The following DGKG variants were observed in gnomAD, a reference collection of about 807,000 sequenced individuals.
DGKG encodes the protein diacylglycerol kinase gamma.
DGKG carries 78 observed loss-of-function variants against 105.3 expected under a neutral mutation model. That is an observed-to-expected ratio of 0.74 (90% CI 0.62 to 0.89). The LOEUF is 0.89. DGKG is among the 40% of genes least tolerant of loss of function. The probability of loss-of-function intolerance (pLI) is 0.00; values close to 1 mark genes in which losing one functional copy is unlikely to be tolerated. For missense variants in DGKG, 958 were observed against 1,020.1 expected (o/e 0.94, Z 0.83); for synonymous variants, 346 against 367.1 (o/e 0.94, Z 0.66).
In DGKG at chr3:186,244,527, C is replaced by A. The variant is rs181222783; in HGVS notation, c.1762-1959G>T. Among the ~76,000 whole-genome samples the A allele has an allele frequency of 4.0e-3, 611 of 151,966 alleles. 1 individual carries two copies. Among genetic ancestry groups the A allele is most frequent in the African/African-American group, 0.014 (575 of 41,442 alleles). ...TCCAGAGATTCTTCCGCTTCAGCCT[C>A]ATGAGTAGCTGGGATTACAGGCATC... On this transcript the variant is annotated intron_variant, in intron 19 of 24. Coordinates refer to ENST00000265022, the MANE Select transcript of DGKG (RefSeq NM_001346.3).
Position 186,300,028 on chromosome 3 carries a change from G to C in DGKG, c.145-1799C>G, listed in dbSNP as rs147928720. ...ATTTTTGTATTTTTAGCAGAGATGG[G>C]GTTTCACCTTGTTGGCCAGGCTGGT... On this transcript the variant is annotated intron_variant, in intron 3 of 24. Coordinates refer to ENST00000265022, the MANE Select transcript of DGKG (RefSeq NM_001346.3). Among the ~76,000 whole-genome samples the C allele has an allele frequency of 4.8e-3, 735 of 151,752 alleles. 8 individuals carry two copies. The highest frequency in any genetic ancestry group is 0.017 in the African/African-American group (708 of 41,376).
At chr3:186,358,470 C>A (rs1727080427) in intron 1 of DGKG, among the ~76,000 whole-genome samples, 1 of 141,798 alleles carries the variant, frequency 7.1e-6, no homozygotes, top group African/African-American at 2.6e-5. Context: ...CTAGGAACAA[C>A]TCATAGCTAG....
chr3:186,186,095 T>TCA (rs1185283391), intron 22 of DGKG, among the ~76,000 whole-genome samples: 2 of 17,416 alleles, frequency 1.1e-4, no homozygotes, highest in East Asian at 6.5e-3. Flanking sequence ...AGACTCTGCC[T>TCA]CAAAAAAAAA....
chr3:186,284,660 C>T lies in DGKG; in HGVS notation c.594G>A (p.Ala198=), dbSNP rs189860653. ...DSDENGLLDQ[A]EMDCIVNQML... is the part of the protein sequence containing the mutation. The stretch of plus-strand genomic sequence containing the variant: ...AGGGATATTTAGAGTGAGAACTTAC[C>T]GCTTGGTCCAGGAGACCGTTCTCAT... The change falls in exon 7 of 25, where the codon GCG becomes GCA. Residue 198 remains alanine, a splice_region_variant and synonymous_variant. Coordinates refer to ENST00000265022, the MANE Select transcript of DGKG (RefSeq NM_001346.3). The surrounding 1 kb of genome is among the most constrained non-coding windows in gnomAD (Gnocchi z 4.0). 437 of 1,613,296 alleles carry T rather than the reference C, an allele frequency of 2.7e-4. No homozygotes were observed. The highest frequency in any genetic ancestry group is 7.2e-5 in the Non-Finnish European group (85 of 1,179,320).
chr3:186,222,948 A>G (rs1719661090), intron 20 of DGKG, among the ~76,000 whole-genome samples: 1 of 148,158 alleles, frequency 6.7e-6, no homozygotes, highest in East Asian at 2.1e-4. Context: ...CGACAGAGTG[A>G]GACTCTGTCT....
intron 6 of DGKG, among the ~76,000 whole-genome samples, chr3:186,287,446 CA>C (rs1320291250): frequency 1.3e-5 from 2 of 152,198 alleles, no homozygotes; most frequent in Non-Finnish European, 2.9e-5. Flanking sequence ...GATGGGGCCA[CA>C]GATGTTCACT....
In DGKG at chr3:186,164,977, C is replaced by A; in HGVS notation, c.2137G>T (p.Ala713Ser). Residue 713 changes from alanine to serine, a missense_variant, in exon 23 of 25, where the codon GCC (alanine) becomes TCC (serine). Around this residue, in one of 2 missense-constraint regions of DGKG, gnomAD observed 315 missense variants for 400.6 expected, o/e 0.79. Coordinates refer to ENST00000265022, the MANE Select transcript of DGKG (RefSeq NM_001346.3). ...GTGTAGATCTGCCCCATCTCCATGG[C>A]TCCTTCTAGCCCCACCACTTCAAGG... ...QLLEVVGLEG[A>S]MEMGQIYTGL... The A allele has an allele frequency of 6.2e-7, 1 of 1,608,948 alleles. No individual in the cohort carries two copies. The highest frequency in any genetic ancestry group is 8.5e-7 in the Non-Finnish European group (1 of 1,177,550).
chr3:186,185,950 T>TAGAAAAA (rs1717608206), intron 22 of DGKG, among the ~76,000 whole-genome samples: 2 of 151,254 alleles, frequency 1.3e-5, no homozygotes, highest in African/African-American at 4.9e-5. Flanking sequence ...TAGAAAAAAG[T>TAGAAAAA]AGCCGGGCGT....
chr3:186,355,485 C>G (rs1318950087), intron 1 of DGKG, among the ~76,000 whole-genome samples: 2 of 149,512 alleles, frequency 1.3e-5, no homozygotes, highest in African/African-American at 2.5e-5. Flanking sequence ...CAACCACTAC[C>G]ATCACCACTA....
chr3:186,355,334 TCACCAC>T (rs200914072), intron 1 of DGKG, among the ~76,000 whole-genome samples: 1 of 49,716 alleles, frequency 2.0e-5, no homozygotes, highest in African/African-American at 8.2e-5. Context: ...ATCACCACTA[TCACCAC>T]CACCAACAAC....
At position 186,150,141 on chromosome 3, in the gene DGKG, G is replaced by C; in HGVS notation, c.2325C>G (p.Pro775=). ...KNQAPMMMGP[P]QKSSFFSLRR... The stretch of plus-strand genomic sequence containing the variant: ...TCAACGAGAAGAAGCTGCTCTTCTG[G>C]GGAGGCCCCATCATCATGGGCGCTT... Residue 775 remains proline (P), a synonymous_variant, in exon 25 of 25, where the codon CCC becomes CCG. Coordinates refer to ENST00000265022, the MANE Select transcript of DGKG (RefSeq NM_001346.3). 6.2e-7 allele frequency: 1 copy of C among 1,613,692 alleles called. No individual in the cohort carries two copies. The highest frequency in any genetic ancestry group is 8.5e-7 in the Non-Finnish European group (1 of 1,179,846).
At chr3:186,300,262 A>T (rs1241166645) in intron 3 of DGKG, among the ~76,000 whole-genome samples, 1 of 152,182 alleles carries the variant, frequency 6.6e-6, no homozygotes, top group African/African-American at 2.4e-5. Flanking sequence ...TTCCAAAGAA[A>T]TTGCTGTCTA....
intron 20 of DGKG, among the ~76,000 whole-genome samples, chr3:186,227,928 T>C (rs1719932712): frequency 6.6e-6 from 1 of 152,220 alleles, no homozygotes; most frequent in East Asian, 1.9e-4. Flanking sequence ...AAAATACTCT[T>C]ATGCAAAAGG....
chr3:186,148,556 G>T lies in DGKG; in HGVS notation c.*1534C>A. The stretch of plus-strand genomic sequence containing the variant: ...GATCCAAGTGGACTCACTTTTCAGT[G>T]ACCAGAAATGACCCTACTCTGAGAT... On this transcript the variant is annotated 3_prime_UTR_variant, in exon 25 of 25. Transcript: ENST00000265022. 1 of 985,394 alleles carries T rather than the reference G, an allele frequency of 1.0e-6. No homozygotes were observed. The highest frequency in any genetic ancestry group is 4.7e-5 in the South Asian group (1 of 21,290). The allele number at this position is 985,394 out of a possible 1,614,324, so 61.0% of individuals were successfully genotyped here.
intron 10 of DGKG, among the ~76,000 whole-genome samples, chr3:186,273,763 GCTGC>G (rs1240359836): frequency 6.6e-6 from 1 of 152,192 alleles, no homozygotes. Context: ...GAGGTCACTT[GCTGC>G]CTAATTCACA....
chr3:186,165,059 G>A, intron 22 of DGKG, 41 bp from the exon 23 acceptor site: 1 of 1,587,170 alleles, frequency 6.3e-7, no homozygotes, highest in South Asian at 1.1e-5. Flanking sequence ...ACACATCTCT[G>A]TGTTCCTCAG....
chr3:186,311,683 C>T (rs1724550560), intron 2 of DGKG, among the ~76,000 whole-genome samples: 1 of 152,168 alleles, frequency 6.6e-6, no homozygotes, highest in African/African-American at 2.4e-5. Flanking sequence ...ACACAGACAC[C>T]TTTGTTGCCT....
rs553715446 is a variant in DGKG, at chr3:186,148,039, C to T, written c.*2051G>A. 143 of 985,472 alleles carry T rather than the reference C, an allele frequency of 1.5e-4. 1 individual carries two copies. The South Asian group carries it at 5.8e-3, about 40-fold the overall frequency. The allele number at this position is 985,472 out of a possible 1,614,324, so 61.0% of individuals were successfully genotyped here. On this transcript the variant is annotated 3_prime_UTR_variant, in exon 25 of 25. Coordinates refer to ENST00000265022, the MANE Select transcript of DGKG (RefSeq NM_001346.3). ...TTTGTACACACAATCTTAATATTCC[C>T]TTCTTTGTCCAAAGCTCCTGTCCAA... is the stretch of plus-strand genomic sequence containing the variant.
At position 186,284,284 on chromosome 3, in the gene DGKG, C is replaced by T. The variant is rs73885830; in HGVS notation, c.594+376G>A. ...AACAGTAACCAGCAGCCTCCTTCCT[C>T]GTGCCCTTTTCCCTTGGTCTTGTTG... is the stretch of plus-strand genomic sequence containing the variant. On this transcript the variant is annotated intron_variant, in intron 7 of 24. Transcript: ENST00000265022. This position sits in a 1 kb window ranked among gnomAD's most constrained non-coding sequence, Gnocchi z 4.0. 7.7e-3 allele frequency among the ~76,000 whole-genome samples: 1,178 copies of T among 152,254 alleles called. 11 individuals carry two copies. The highest frequency in any genetic ancestry group is 0.027 in the African/African-American group (1,115 of 41,528).
Sources: gnomAD v4.1 joint callset for allele counts (sites outside exome capture counted in the v4.1 genomes callset) on GRCh38, gnomAD v4.1.1 for gene constraint, gnomAD v4.1.1 regional missense constraint, Gnocchi (gnomAD v3.1) non-coding constraint, MANE v1.5 for transcripts, NCBI Gene and HGNC (gene_info 2026-07-23, HGNC 2026-07-21) for gene names.